LUC7L: variants seen among roughly 807,000 people sequenced by gnomAD.
LUC7L encodes the protein LUC7 like.
Under a neutral mutation model 51.1 loss-of-function variants are expected in LUC7L, and 29 were observed. That is an observed-to-expected ratio of 0.57 (90% CI 0.42 to 0.77). The LOEUF (loss-of-function observed/expected upper bound fraction) is 0.77. Ranked by LOEUF, LUC7L falls within the 30% of genes least tolerant of loss-of-function variation. The pLI is 0.00. For synonymous variants in LUC7L, 181 were observed against 180.7 expected, an observed-to-expected ratio of 1.00 and a Z score of -0.01; for missense variants, 403 against 511.9, an observed-to-expected ratio of 0.79 and a Z score of 2.05.
intron 6 of LUC7L, among the ~76,000 whole-genome samples, chr16:198,654 T>C (rs1039002541): frequency 6.6e-6 from 1 of 152,194 alleles, no homozygotes; most frequent in Admixed American, 6.6e-5. Flanking sequence ...TATTTCACTA[T>C]AAAACTCAAG....
At chr16:216,371 C>CA (rs1194199647) in intron 3 of LUC7L, among the ~76,000 whole-genome samples, 1 of 145,486 alleles carries the variant, frequency 6.9e-6, no homozygotes, top group Non-Finnish European at 1.5e-5. Flanking sequence ...CACTGGTTAT[C>CA]AAATAGTTGT....
At chr16:192,390 G>A (rs1024931833) in intron 7 of LUC7L, among the ~76,000 whole-genome samples, 1 of 152,002 alleles carries the variant, frequency 6.6e-6, no homozygotes, top group Non-Finnish European at 1.5e-5. Context: ...GTAAACAGCA[G>A]TGCCCACACA....
intron 3 of LUC7L, among the ~76,000 whole-genome samples, chr16:215,068 A>G (rs2049750503): frequency 6.6e-6 from 1 of 152,106 alleles, no homozygotes; most frequent in African/African-American, 2.4e-5. Flanking sequence ...TCCTATCTCA[A>G]TAGTTGTATT....
At chr16:223,854 T>C (rs1168672867) in intron 2 of LUC7L, among the ~76,000 whole-genome samples, 1 of 151,730 alleles carries the variant, frequency 6.6e-6, no homozygotes, top group Non-Finnish European at 1.5e-5. Context: ...GTATTTTTAG[T>C]AGAGACAGGT....
At chr16:212,657 GT>G (rs2049677066) in intron 3 of LUC7L, among the ~76,000 whole-genome samples, 2 of 152,088 alleles carry the variant, frequency 1.3e-5, no homozygotes, top group African/African-American at 4.8e-5. Context: ...CATATATGTT[GT>G]TTTGAAAACT....
At chr16:205,906 T>C in intron 5 of LUC7L, 98 bp downstream of exon 5, 1 of 1,433,960 alleles carries the variant, frequency 7.0e-7, no homozygotes, top group South Asian at 1.4e-5. Flanking sequence ...TATAAATTTT[T>C]TAAAAAATGG....
chr16:212,840 C>A (rs1054043949), intron 3 of LUC7L, among the ~76,000 whole-genome samples: 2 of 151,540 alleles, frequency 1.3e-5, no homozygotes, highest in Non-Finnish European at 2.9e-5. Flanking sequence ...TACAGTGGCA[C>A]GATCACGGCT....
intron 3 of LUC7L, among the ~76,000 whole-genome samples, chr16:214,458 C>A (rs2049731383): frequency 6.6e-6 from 1 of 152,160 alleles, no homozygotes; most frequent in African/African-American, 2.4e-5. Flanking sequence ...TCACTCATTT[C>A]TCTTCTTGGG....
chr16:218,123 G>A (rs1358562187), intron 3 of LUC7L, among the ~76,000 whole-genome samples: 2 of 151,924 alleles, frequency 1.3e-5, no homozygotes, highest in Admixed American at 6.6e-5. Context: ...AACCCAGGAG[G>A]TGGAGGTTAC....
chr16:223,351 A>AAAAATAAAAT (rs529128426), intron 2 of LUC7L, among the ~76,000 whole-genome samples: 52 of 152,246 alleles, frequency 3.4e-4, no homozygotes, highest in African/African-American at 1.2e-3. Flanking sequence ...TCCGTCTCAA[A>AAAAATAAAAT]AAAATAAAAT....
chr16:224,674 A>G (rs946190212), intron 2 of LUC7L, among the ~76,000 whole-genome samples: 1 of 151,288 alleles, frequency 6.6e-6, no homozygotes, highest in Non-Finnish European at 1.5e-5. Context: ...TACTAAAAAT[A>G]CAAAAAAAAT....
chr16:217,672 A>G (rs1225941669), intron 3 of LUC7L, among the ~76,000 whole-genome samples: 2 of 151,686 alleles, frequency 1.3e-5, no homozygotes, highest in Non-Finnish European at 2.9e-5. Flanking sequence ...ACACCACTGC[A>G]CTACAGCCTG....
chr16:205,056 G>A (rs2049444312), intron 5 of LUC7L, among the ~76,000 whole-genome samples: 1 of 152,194 alleles, frequency 6.6e-6, no homozygotes, highest in South Asian at 2.1e-4. Flanking sequence ...AATTATTACA[G>A]TAGTACAGTA....
chr16:190,603 G>A, intron 7 of LUC7L, 33 bp from the exon 8 acceptor site: 1 of 1,608,422 alleles, frequency 6.2e-7, no homozygotes, highest in South Asian at 1.1e-5. Context: ...AACAAGGCCA[G>A]GCATGGTGGC....
intron 6 of LUC7L, among the ~76,000 whole-genome samples, chr16:195,760 C>T (rs1048734621): frequency 2.0e-5 from 3 of 152,030 alleles, no homozygotes; most frequent in African/African-American, 7.2e-5. Context: ...AAGGATTAGC[C>T]AGGTGCAGTG....
intron 3 of LUC7L, among the ~76,000 whole-genome samples, chr16:212,647 C>A (rs2049676703): frequency 6.6e-6 from 1 of 152,070 alleles, no homozygotes; most frequent in East Asian, 1.9e-4. Context: ...GAAATGAGCC[C>A]ATATATGTTG....
chr16:190,720 G>T (rs189814104), intron 7 of LUC7L, 150 bp from the exon 8 acceptor site: 398 of 687,640 alleles, frequency 5.8e-4, no homozygotes, highest in Non-Finnish European at 6.0e-4. Context: ...TCTCTACTGA[G>T]AACACAAAAC....
intron 2 of LUC7L, among the ~76,000 whole-genome samples, chr16:223,977 C>G (rs930650291): frequency 6.6e-6 from 1 of 152,048 alleles, no homozygotes; most frequent in Non-Finnish European, 1.5e-5. Context: ...CGCACCTGGC[C>G]TCATTCACTC....
chr16:228,087 G>A (rs2050174609), intron 1 of LUC7L: 2 of 1,147,008 alleles, frequency 1.7e-6, no homozygotes, highest in Non-Finnish European at 1.1e-6. Context: ...TAAGGAAGTC[G>A]GGGGAATGAT....
Sources: gnomAD v4.1 joint callset for allele counts (sites outside exome capture counted in the v4.1 genomes callset) on GRCh38, gnomAD v4.1.1 for gene constraint, MANE v1.5 for transcripts, NCBI Gene and HGNC (gene_info 2026-07-23, HGNC 2026-07-21) for gene names.